The following TMEM117 variants were observed in gnomAD, a reference collection of about 807,000 sequenced individuals.
TMEM117 encodes the protein transmembrane protein 117.
A neutral mutation model predicts 52.4 loss-of-function variants in TMEM117; 27 were observed. The ratio of observed to expected loss-of-function variants is 0.51; its 90% CI spans 0.38 to 0.71. TMEM117 has a LOEUF of 0.71. Ranked by LOEUF, TMEM117 falls within the 30% of genes least tolerant of loss-of-function variation. The pLI is 0.00. For synonymous variants in TMEM117, 215 were observed against 206.3 expected, an observed-to-expected ratio of 1.04 and a Z score of -0.36; for missense variants, 556 against 630.5, an observed-to-expected ratio of 0.88 and a Z score of 1.26.
At chr12:44,359,071 CCCAGAGCTGAAAAGGAATTTCT>C (rs1238214376) in intron 6 of TMEM117, among the ~76,000 whole-genome samples, 5 of 151,862 alleles carry the variant, frequency 3.3e-5, no homozygotes, top group Non-Finnish European at 7.4e-5. Flanking sequence ...CCCCTTTGAA[CCCAGAGCTGAAAAGGAATTTCT>C]CCAACCAAAA....
intron 4 of TMEM117, among the ~76,000 whole-genome samples, chr12:44,154,735 A>G (rs1948802539): frequency 6.6e-6 from 1 of 151,670 alleles, no homozygotes; most frequent in Non-Finnish European, 1.5e-5. Context: ...AAAGTGAACC[A>G]GTTTTCCCCC....
intron 2 of TMEM117, among the ~76,000 whole-genome samples, chr12:43,875,149 T>A (rs959157251): frequency 1.8e-4 from 28 of 152,146 alleles, no homozygotes; most frequent in African/African-American, 6.0e-4. Flanking sequence ...AGAAGTTAAA[T>A]ACAAACAGCT....
chr12:44,311,875 ATG>A (rs1950992547), intron 6 of TMEM117, among the ~76,000 whole-genome samples: 1 of 127,916 alleles, frequency 7.8e-6, no homozygotes, highest in Non-Finnish European at 1.5e-5. Context: ...ATGTATATAT[ATG>A]TATATATGTA....
chr12:44,117,538 T>G (rs1433824754), intron 3 of TMEM117, among the ~76,000 whole-genome samples: 2 of 152,094 alleles, frequency 1.3e-5, no homozygotes, highest in African/African-American at 4.8e-5. Context: ...TTCCTCTGCT[T>G]GGGTTTGTCA....
chr12:44,291,388 T>G (rs1294873349), intron 5 of TMEM117, among the ~76,000 whole-genome samples: 1 of 150,000 alleles, frequency 6.7e-6, no homozygotes. Flanking sequence ...TTTTTTTTTT[T>G]TTTTTTTTTG....
intron 2 of TMEM117, among the ~76,000 whole-genome samples, chr12:43,916,158 A>G (rs1435746439): frequency 6.6e-6 from 1 of 152,188 alleles, no homozygotes; most frequent in Non-Finnish European, 1.5e-5. Context: ...AGAAGGGGAA[A>G]TGGAATGGAG....
intron 4 of TMEM117, among the ~76,000 whole-genome samples, chr12:44,150,851 A>T (rs1048881568): frequency 1.3e-5 from 2 of 152,114 alleles, no homozygotes; most frequent in Non-Finnish European, 2.9e-5. Context: ...GACCTGGAAT[A>T]AAAAAGGATT....
chr12:44,092,873 A>G lies in TMEM117; in HGVS notation c.411-50652A>G, dbSNP rs994664766. Among the ~76,000 whole-genome samples the G allele has an allele frequency of 2.6e-5, 4 of 152,192 alleles. No homozygotes were observed. In the South Asian group the frequency reaches 8.3e-4, roughly 31 times the overall value. ...ATTATGACCACATAATCTTGTGAAT[A>G]CAGTTTTCTTAAATTCAATAAAGGA... On this transcript the variant is annotated intron_variant, in intron 3 of 7. Transcript: ENST00000266534.
intron 2 of TMEM117, among the ~76,000 whole-genome samples, chr12:43,876,010 T>G (rs539667627): frequency 6.6e-6 from 1 of 152,342 alleles, no homozygotes; most frequent in East Asian, 1.9e-4. Context: ...TAGTTTTGAT[T>G]GGCTTAGTTC....
chr12:44,142,002 TAAG>T (rs1478510000), intron 3 of TMEM117, among the ~76,000 whole-genome samples: 1 of 152,220 alleles, frequency 6.6e-6, no homozygotes, highest in Non-Finnish European at 1.5e-5. Context: ...CTAACACTTA[TAAG>T]AAGAAGATGT....
At chr12:43,956,001 A>G (rs1945300136) in intron 3 of TMEM117, among the ~76,000 whole-genome samples, 1 of 152,188 alleles carries the variant, frequency 6.6e-6, no homozygotes, top group Non-Finnish European at 1.5e-5. Context: ...ATCTACAACC[A>G]TCTGATCTTC....
At chr12:44,267,990 A>G (rs1260932614) in intron 5 of TMEM117, among the ~76,000 whole-genome samples, 1 of 152,136 alleles carries the variant, frequency 6.6e-6, no homozygotes, top group Non-Finnish European at 1.5e-5. Context: ...TAACATACTT[A>G]TTTCATGTCC....
chr12:44,273,140 A>G (rs556120367), intron 5 of TMEM117, among the ~76,000 whole-genome samples: 3 of 152,088 alleles, frequency 2.0e-5, no homozygotes, highest in Admixed American at 6.5e-5. Flanking sequence ...CAAACACCGC[A>G]TGTTCTCACT....
intron 2 of TMEM117, among the ~76,000 whole-genome samples, chr12:43,903,689 G>A (rs10880580): frequency 0.78 from 118,650 of 151,690 alleles, 48,884 homozygotes; most frequent in Non-Finnish European, 0.9. Flanking sequence ...CACTTTACAA[G>A]AGAGTTTCTG....
intron 5 of TMEM117, among the ~76,000 whole-genome samples, chr12:44,238,250 T>C (rs1232552641): frequency 6.6e-6 from 1 of 152,172 alleles, no homozygotes; most frequent in Non-Finnish European, 1.5e-5. Context: ...TGAACCAGTT[T>C]CGTGTGAAGT....
At chr12:44,238,376 G>A (rs571744235) in intron 5 of TMEM117, among the ~76,000 whole-genome samples, 4 of 152,148 alleles carry the variant, frequency 2.6e-5, no homozygotes, top group Admixed American at 6.5e-5. Flanking sequence ...TTATGGAAGG[G>A]AAAATAGAAG....
chr12:43,820,900 C>T, the TMEM117 span, among the ~76,000 whole-genome samples: 39 of 151,660 alleles, frequency 2.6e-4, no homozygotes, highest in Non-Finnish European at 5.0e-4. Context: ...AGGAGACCAT[C>T]CTGGCTAACA....
At chr12:44,312,482 C>G (rs1452491047) in intron 6 of TMEM117, among the ~76,000 whole-genome samples, 1 of 152,048 alleles carries the variant, frequency 6.6e-6, no homozygotes, top group African/African-American at 2.4e-5. Flanking sequence ...GGTGTACATG[C>G]ATCACATTTT....
In TMEM117 at chr12:43,899,856, C is replaced by T. The variant is rs1944275622; in HGVS notation, c.278-44354C>T. Among the ~76,000 whole-genome samples, 3 of 63,788 alleles carry T rather than the reference C, an allele frequency of 4.7e-5. No individual in the cohort carries two copies. In the South Asian group the frequency reaches 2.5e-3, roughly 54 times the overall value. 41.8% of individuals were successfully genotyped at this position (63,788 alleles called of 152,430 possible). ...GCAGACAGAGCTGGATTTGCCACTACCTAGATATGTGACCTTGTGCTTTTC... is the reference window on the plus strand; with the variant it reads ...GCAGACAGAGCTGGATTTGCCACTATCTAGATATGTGACCTTGTGCTTTTC... On this transcript the variant is annotated intron_variant, in intron 2 of 7. Coordinates refer to ENST00000266534, the MANE Select transcript of TMEM117 (RefSeq NM_032256.3).
Sources: gnomAD v4.1 joint callset for allele counts (sites outside exome capture counted in the v4.1 genomes callset) on GRCh38, gnomAD v4.1.1 for gene constraint, MANE v1.5 for transcripts, NCBI Gene and HGNC (gene_info 2026-07-23, HGNC 2026-07-21) for gene names.